GRID2: variants seen among roughly 807,000 people sequenced by gnomAD.
GRID2 encodes the protein glutamate receptor ionotropic, delta-2.
Under a neutral mutation model 114.8 loss-of-function variants are expected in GRID2, and 33 were observed. The observed-to-expected ratio is 0.29, with a 90% CI of 0.22 to 0.38. GRID2 has a LOEUF of 0.38. Ranked by LOEUF, GRID2 falls within the 10% of genes least tolerant of loss-of-function variation. The probability of loss-of-function intolerance (pLI) is 1.00; values close to 1 mark genes in which losing one functional copy is unlikely to be tolerated. For missense variants in GRID2, 1,184 were observed against 1,257.7 expected, an observed-to-expected ratio of 0.94 and a Z score of 0.89; for synonymous variants, 505 against 449.9, an observed-to-expected ratio of 1.12 and a Z score of -1.55.
intron 2 of GRID2, among the ~76,000 whole-genome samples, chr4:92,878,183 A>G (rs1432294468): frequency 6.6e-6 from 1 of 152,134 alleles, no homozygotes; most frequent in Non-Finnish European, 1.5e-5. Context: ...TGTCACTTGA[A>G]CAAAGAAAAA....
chr4:93,099,063 A>G (rs537076096), intron 3 of GRID2, among the ~76,000 whole-genome samples: 23 of 150,050 alleles, frequency 1.5e-4, no homozygotes, highest in Non-Finnish European at 3.1e-4. Context: ...CATACATCAA[A>G]TACTACATGT....
intron 8 of GRID2, among the ~76,000 whole-genome samples, chr4:93,368,315 T>C (rs1762537271): frequency 6.6e-6 from 1 of 152,094 alleles, no homozygotes; most frequent in East Asian, 1.9e-4. Context: ...GAGAAAACTA[T>C]GGAAGGGGAA....
chr4:92,790,220 A>AT (rs1180923675), intron 2 of GRID2, among the ~76,000 whole-genome samples: 1 of 151,654 alleles, frequency 6.6e-6, no homozygotes, highest in Non-Finnish European at 1.5e-5. Flanking sequence ...ATATGTATAT[A>AT]TTTTTTTACA....
intron 1 of GRID2, among the ~76,000 whole-genome samples, chr4:92,359,902 A>C (rs992906761): frequency 6.6e-6 from 1 of 151,996 alleles, no homozygotes; most frequent in Non-Finnish European, 1.5e-5. Context: ...TTCTGAAAAA[A>C]AATCTTTATA....
rs534384725 is a variant in GRID2, at chr4:92,873,903, G to T, written c.245-211092G>T. Among the ~76,000 whole-genome samples, 295 of 152,130 alleles carry T rather than the reference G, an allele frequency of 1.9e-3. 2 individuals are homozygous for T. Among genetic ancestry groups the T allele is most frequent in the South Asian group, 0.013 (62 of 4,824 alleles). On this transcript the variant is annotated intron_variant, in intron 2 of 15. Coordinates refer to ENST00000282020, the MANE Select transcript of GRID2 (RefSeq NM_001510.4). ...CTAATTTTGTATTTGTAGTAGAGACGGGGTTTCACCATGCTGGTCAGGCTG... is the reference window on the plus strand; with the variant it reads ...CTAATTTTGTATTTGTAGTAGAGACTGGGTTTCACCATGCTGGTCAGGCTG...
chr4:92,448,983 A>G (rs1720740065), intron 1 of GRID2, among the ~76,000 whole-genome samples: 2 of 152,068 alleles, frequency 1.3e-5, no homozygotes, highest in African/African-American at 4.8e-5. Context: ...CCCTCTCCAC[A>G]ACTAATATTT....
intron 14 of GRID2, among the ~76,000 whole-genome samples, chr4:93,731,988 TA>T (rs1730521982): frequency 1.3e-5 from 2 of 152,162 alleles, no homozygotes; most frequent in African/African-American, 2.4e-5. Flanking sequence ...GAAATAAATT[TA>T]CATAATTTAT....
At chr4:93,784,071 CAAA>C (rs70942993) in intron 1 of GRID2, among the ~76,000 whole-genome samples, 7 of 38,990 alleles carry the variant, frequency 1.8e-4, no homozygotes, top group African/African-American at 7.2e-4. Context: ...GACTCCGTCT[CAAA>C]AAAAAAAAAA....
chr4:92,703,619 A>T (rs1232791593), intron 2 of GRID2, among the ~76,000 whole-genome samples: 2 of 10,814 alleles, frequency 1.8e-4, no homozygotes, highest in East Asian at 0.012. Context: ...GAAAAACATT[A>T]TATATATATA....
At chr4:92,706,264 T>G (rs1047775198) in intron 2 of GRID2, among the ~76,000 whole-genome samples, 3 of 152,194 alleles carry the variant, frequency 2.0e-5, no homozygotes, top group African/African-American at 7.2e-5. Flanking sequence ...TTGGCTATAG[T>G]TGTAAATATC....
At chr4:92,851,588 G>C (rs765852254) in intron 2 of GRID2, among the ~76,000 whole-genome samples, 4 of 151,918 alleles carry the variant, frequency 2.6e-5, no homozygotes, top group Non-Finnish European at 5.9e-5. Flanking sequence ...TGTAGGTAAT[G>C]TTTAACATGC....
rs1015776694 is a variant in GRID2, at chr4:93,261,102, A to G, written c.1245+22612A>G. On this transcript the variant is annotated intron_variant, in intron 8 of 15. Coordinates refer to ENST00000282020, the MANE Select transcript of GRID2 (RefSeq NM_001510.4). ...GTATACCTATAATGAATCAACAAAC[A>G]TAGATCTTTCTCCAACTTTAGTTCA... Among the ~76,000 whole-genome samples the G allele has an allele frequency of 4.0e-5, 6 of 151,800 alleles. No homozygotes were observed. The East Asian group carries it at 1.2e-3, about 29-fold the overall frequency.
intron 14 of GRID2, among the ~76,000 whole-genome samples, chr4:93,662,442 C>T (rs1385601028): frequency 6.6e-6 from 1 of 152,148 alleles, no homozygotes; most frequent in Non-Finnish European, 1.5e-5. Context: ...AAAACAGTGC[C>T]TAAAAGTTTT....
intron 8 of GRID2, among the ~76,000 whole-genome samples, chr4:93,386,759 G>A (rs1430824385): frequency 1.3e-5 from 2 of 152,072 alleles, no homozygotes; most frequent in African/African-American, 2.4e-5. Flanking sequence ...GAAGATCTAG[G>A]AATGGGAAAG....
At chr4:93,581,450 TA>T (rs1303334148) in intron 13 of GRID2, among the ~76,000 whole-genome samples, 1 of 152,164 alleles carries the variant, frequency 6.6e-6, no homozygotes, top group African/African-American at 2.4e-5. Context: ...AAATATGTTA[TA>T]GTAAATCTGG....
intron 4 of GRID2, among the ~76,000 whole-genome samples, chr4:93,127,103 A>C (rs926135754): frequency 1.3e-5 from 2 of 152,350 alleles, no homozygotes; most frequent in East Asian, 1.9e-4. Context: ...TTCACAAATA[A>C]AAATTTTGTA....
At chr4:92,557,687 C>G (rs983225867) in intron 1 of GRID2, among the ~76,000 whole-genome samples, 9 of 145,940 alleles carry the variant, frequency 6.2e-5, no homozygotes, top group African/African-American at 2.3e-4. Flanking sequence ...TCATATACTT[C>G]TAGTGAACAG....
intron 4 of GRID2, among the ~76,000 whole-genome samples, chr4:93,138,655 G>A (rs1446952693): frequency 2.0e-5 from 3 of 152,042 alleles, no homozygotes; most frequent in Non-Finnish European, 2.9e-5. Context: ...CTTTTCTCAT[G>A]CCTCACACAA....
chr4:92,830,876 A>G (rs1170668359), intron 2 of GRID2, among the ~76,000 whole-genome samples: 1 of 152,176 alleles, frequency 6.6e-6, no homozygotes, highest in African/African-American at 2.4e-5. Flanking sequence ...TTGTGTAGTT[A>G]CAGAACATAT....
Sources: allele counts gnomAD v4.1 joint callset (sites outside exome capture counted in the v4.1 genomes callset), GRCh38; gene constraint gnomAD v4.1.1; transcripts MANE v1.5; gene names NCBI Gene and HGNC (gene_info 2026-07-23, HGNC 2026-07-21).